The following FAT3 variants were observed in gnomAD, a reference collection of about 807,000 sequenced individuals.
FAT3 encodes the protein protocadherin Fat 3.
Under a neutral mutation model 310.2 loss-of-function variants are expected in FAT3, and 95 were observed. The ratio of observed to expected loss-of-function variants is 0.31; its 90% CI spans 0.26 to 0.36. The LOEUF (loss-of-function observed/expected upper bound fraction) is 0.36. FAT3 is among the 10% of genes least tolerant of loss of function. The pLI is 1.00. For missense variants in FAT3, 5,408 were observed against 5,715.6 expected, an observed-to-expected ratio of 0.95 and a Z score of 1.74; for synonymous variants, 2,314 against 2,192.9, an observed-to-expected ratio of 1.06 and a Z score of -1.54.
At chr11:92,667,140 A>G (rs1942979649) in intron 3 of FAT3, among the ~76,000 whole-genome samples, 1 of 152,148 alleles carries the variant, frequency 6.6e-6, no homozygotes, top group Admixed American at 6.5e-5. Flanking sequence ...CTAAGGTTCT[A>G]CTTGTAACTT....
At chr11:92,677,542 T>C (rs948028361) in intron 3 of FAT3, among the ~76,000 whole-genome samples, 10 of 152,238 alleles carry the variant, frequency 6.6e-5, no homozygotes, top group Admixed American at 5.2e-4. Flanking sequence ...TATAACAGAA[T>C]ACCTGAGAAT....
rs34340740 is a variant in FAT3, at chr11:92,780,163, C to CTT, written c.4335+5996_4335+5997dup. ...TAAGTTTATGGTAACTTTTTTTTTTCTTTTTTTTTTTTTTCCAGGACAGGG... is the reference window on the plus strand; with the variant it reads ...TAAGTTTATGGTAACTTTTTTTTTTCTTTTTTTTTTTTTTTTCCAGGACAGGG... On this transcript the variant is annotated intron_variant, in intron 7 of 27. Transcript: ENST00000525166. 7.9e-3 allele frequency among the ~76,000 whole-genome samples: 1,067 copies of CTT among 134,612 alleles called. 15 individuals are homozygous for CTT. Among genetic ancestry groups the CTT allele is most frequent in the African/African-American group, 0.022 (787 of 36,244 alleles). 88.3% of individuals were successfully genotyped at this position (134,612 alleles called of 152,430 possible). A position where few individuals can be genotyped will look rare whatever the true frequency, so the allele number is the denominator to read the frequency against.
chr11:92,719,121 A>G (rs1944778663), intron 4 of FAT3, among the ~76,000 whole-genome samples: 1 of 152,180 alleles, frequency 6.6e-6, no homozygotes, highest in Non-Finnish European at 1.5e-5. Flanking sequence ...CTATCTCTGA[A>G]TATTTTATAA....
chr11:92,820,703 G>A (rs962533112), intron 13 of FAT3, among the ~76,000 whole-genome samples: 2 of 152,130 alleles, frequency 1.3e-5, no homozygotes, highest in African/African-American at 4.8e-5. Flanking sequence ...CAAGAGAAAT[G>A]CTGAGCCATA....
At chr11:92,567,154 T>C (rs1246965233) in intron 3 of FAT3, among the ~76,000 whole-genome samples, 4 of 150,562 alleles carry the variant, frequency 2.7e-5, no homozygotes, top group Non-Finnish European at 5.9e-5. Context: ...AAAGGGCTAA[T>C]ATCCAGAATC....
In FAT3 at chr11:92,830,462, A is replaced by C. The variant is rs146549719; in HGVS notation, c.9482-1160A>C. ...GATCCTCTCCCTTCCTTGATGGAGT[A>C]TTCCAGGCTCACTGACCCTTAGATT... On this transcript the variant is annotated intron_variant, in intron 13 of 27. Coordinates refer to ENST00000525166, the MANE Select transcript of FAT3 (RefSeq NM_001367949.2). Among the ~76,000 whole-genome samples, 51 of 152,300 alleles carry C rather than the reference A, an allele frequency of 3.3e-4. No homozygotes were observed. The East Asian group carries it at 9.8e-3, about 29-fold the overall frequency.
At position 92,800,839 on chromosome 11, in the gene FAT3, T is replaced by G. The variant is rs375773937; in HGVS notation, c.7826T>G (p.Val2609Gly). ...QFMTVEYRAS[V>G]RADVGRGHLV... is the part of the protein sequence containing the mutation. Reference sequence around the variant, plus strand: ...ATGACAGTGGAATATAGAGCCAGTGTCAGGGCAGATGTTGGAAGGGGCCAC... The same window carrying G: ...ATGACAGTGGAATATAGAGCCAGTGGCAGGGCAGATGTTGGAAGGGGCCAC... The change falls in exon 10 of 28, where the codon GTC (valine) becomes GGC (glycine). Residue 2609 changes from valine to glycine, a missense_variant. Transcript: ENST00000525166. The G allele has an allele frequency of 2.5e-6, 4 of 1,613,586 alleles. No homozygotes were observed. The highest frequency in any genetic ancestry group is 3.4e-6 in the Non-Finnish European group (4 of 1,179,834).
chr11:92,347,703 A>G (rs1948454334), intron 1 of FAT3, among the ~76,000 whole-genome samples: 1 of 152,184 alleles, frequency 6.6e-6, no homozygotes, highest in South Asian at 2.1e-4. Flanking sequence ...GAAGGGCAGG[A>G]TGGGGAGGCA....
chr11:92,492,524 T>A (rs1370250550), intron 2 of FAT3, among the ~76,000 whole-genome samples: 2 of 152,050 alleles, frequency 1.3e-5, no homozygotes, highest in African/African-American at 4.8e-5. Context: ...AAATAAATGG[T>A]AGCTTTATTA....
rs868311321 is a variant in FAT3, at chr11:92,412,748, T to C, written c.3292+57344T>C. The stretch of plus-strand genomic sequence containing the variant: ...ATATATATATATATATATATATAAA[T>C]ATACATACATATATATATATTTAAT... On this transcript the variant is annotated intron_variant, in intron 2 of 27. Coordinates refer to ENST00000525166, the MANE Select transcript of FAT3 (RefSeq NM_001367949.2). Among the ~76,000 whole-genome samples the C allele has an allele frequency of 1.3e-3, 80 of 61,000 alleles. 1 individual carries two copies. The highest frequency in any genetic ancestry group is 7.1e-3 in the Middle Eastern group (1 of 140). The allele number at this position is 61,000 out of a possible 152,430, so 40.0% of individuals were successfully genotyped here. A position where few individuals can be genotyped will look rare whatever the true frequency, so the allele number is the denominator to read the frequency against.
chr11:92,368,367 A>G (rs998112576), intron 2 of FAT3, among the ~76,000 whole-genome samples: 1 of 152,160 alleles, frequency 6.6e-6, no homozygotes, highest in Non-Finnish European at 1.5e-5. Context: ...TTTCTTTTTC[A>G]TATAAACTTT....
intron 3 of FAT3, among the ~76,000 whole-genome samples, chr11:92,667,522 G>T (rs1942993413): frequency 6.6e-6 from 1 of 152,184 alleles, no homozygotes; most frequent in South Asian, 2.1e-4. Context: ...ATGCATTCTG[G>T]CAGATCCCTT....
intron 3 of FAT3, among the ~76,000 whole-genome samples, chr11:92,671,549 A>G (rs1455562661): frequency 1.3e-5 from 2 of 152,020 alleles, no homozygotes; most frequent in East Asian, 1.9e-4. Context: ...TCTCTTGATC[A>G]AATGGGCCTT....
At position 92,799,956 on chromosome 11, in the gene FAT3, G is replaced by A; in HGVS notation, c.6943G>A (p.Asp2315Asn). 1 of 1,612,890 alleles carries A rather than the reference G, an allele frequency of 6.2e-7. No individual in the cohort carries two copies. Among genetic ancestry groups the A allele is most frequent in the Non-Finnish European group, 8.5e-7 (1 of 1,179,368 alleles). Reference sequence around the variant, plus strand: ...TTTACAAGTTGTCTCTATTGATGCAGACTCAGAAAACAATAAAATGGTACA... The same window carrying A: ...TTTACAAGTTGTCTCTATTGATGCAAACTCAGAAAACAATAAAATGGTACA... ...PVLQVVSIDA[D>N]SENNKMVHYQ... is the part of the protein sequence containing the mutation. The change falls in exon 10 of 28, where the codon GAC (aspartate) becomes AAC (asparagine). Residue 2315 changes from aspartate (D) to asparagine (N), a missense_variant. By Grantham distance (23) the Asp-to-Asn change is conservative. Coordinates refer to ENST00000525166, the MANE Select transcript of FAT3 (RefSeq NM_001367949.2).
intron 2 of FAT3, among the ~76,000 whole-genome samples, chr11:92,486,673 T>G (rs1226926146): frequency 6.6e-6 from 1 of 152,160 alleles, no homozygotes; most frequent in Non-Finnish European, 1.5e-5. Flanking sequence ...TTTCCTCATG[T>G]TTTTCTCTAT....
intron 22 of FAT3, among the ~76,000 whole-genome samples, chr11:92,874,281 T>C (rs559104403): frequency 1.3e-5 from 2 of 152,254 alleles, no homozygotes; most frequent in Non-Finnish European, 2.9e-5. Context: ...TAACAACATA[T>C]GGTAATGCTT....
intron 1 of FAT3, among the ~76,000 whole-genome samples, chr11:92,319,185 G>A (rs1366219400): frequency 2.6e-5 from 4 of 152,124 alleles, no homozygotes; most frequent in Admixed American, 6.5e-5. Context: ...AGTAATCAGC[G>A]TGTTTCACAA....
chr11:92,886,810 T>C (rs1949807238), intron 24 of FAT3, 190 bp from the exon 25 acceptor site: 1 of 580,096 alleles, frequency 1.7e-6, no homozygotes, highest in Non-Finnish European at 3.1e-6. Context: ...GAATCCATAA[T>C]GTAAATCACT....
At chr11:92,369,721 C>T (rs539350385) in intron 2 of FAT3, among the ~76,000 whole-genome samples, 3 of 152,192 alleles carry the variant, frequency 2.0e-5, no homozygotes, top group African/African-American at 7.2e-5. Flanking sequence ...GTAGCACACG[C>T]CTGTAGTCCC....
Sources: allele counts gnomAD v4.1 joint callset (sites outside exome capture counted in the v4.1 genomes callset), GRCh38; gene constraint gnomAD v4.1.1; transcripts MANE v1.5; gene names NCBI Gene and HGNC (gene_info 2026-07-23, HGNC 2026-07-21).